VEPH1: variants seen among roughly 807,000 people sequenced by gnomAD.
The protein encoded by VEPH1 is ventricular zone-expressed PH domain-containing protein homolog 1.
In VEPH1, 80 loss-of-function variants were observed where a neutral mutation model predicts 85.2. The ratio of observed to expected loss-of-function variants is 0.94; its 90% CI spans 0.78 to 1.13. The LOEUF (loss-of-function observed/expected upper bound fraction) is 1.13. VEPH1 is among the 50% of genes most tolerant of loss of function. VEPH1 has a pLI of 0.00. For synonymous variants in VEPH1, 297 were observed against 348.0 expected (o/e 0.85, Z 1.63); for missense variants, 955 against 980.5 (o/e 0.97, Z 0.35).
intron 9 of VEPH1, among the ~76,000 whole-genome samples, chr3:157,356,150 C>T (rs907317593): frequency 3.3e-5 from 5 of 152,086 alleles, no homozygotes; most frequent in Admixed American, 3.3e-4. Context: ...TCACCCACCT[C>T]GGCTTTCCAG....
At chr3:157,413,819 A>T (rs1731699716) in intron 6 of VEPH1, 62 bp downstream of exon 6, 12 of 1,519,024 alleles carry the variant, frequency 7.9e-6, no homozygotes, top group African/African-American at 2.8e-5. Context: ...CCAACCTATT[A>T]AATAGGTTGG....
chr3:157,395,275 G>A (rs1344043211), intron 6 of VEPH1, among the ~76,000 whole-genome samples: 1 of 152,132 alleles, frequency 6.6e-6, no homozygotes, highest in Non-Finnish European at 1.5e-5. Context: ...AACAAATCCT[G>A]TCCCTTCCAT....
intron 12 of VEPH1, among the ~76,000 whole-genome samples, chr3:157,280,014 CAAA>C (rs369384376): frequency 1.0e-4 from 11 of 109,992 alleles, no homozygotes; most frequent in African/African-American, 2.3e-4. Context: ...GACTCTGTTT[CAAA>C]AAAAAAAAAA....
chr3:157,445,699 G>T (rs1413443725), intron 4 of VEPH1, among the ~76,000 whole-genome samples: 1 of 152,078 alleles, frequency 6.6e-6, no homozygotes, highest in Non-Finnish European at 1.5e-5. Flanking sequence ...TGAGGCAGGA[G>T]AATCTCTTGA....
At chr3:157,392,857 T>A (rs115833061) in intron 6 of VEPH1, among the ~76,000 whole-genome samples, 1 of 152,158 alleles carries the variant, frequency 6.6e-6, no homozygotes, top group African/African-American at 2.4e-5. Flanking sequence ...CTATCACTAA[T>A]TGTATCTCAC....
At chr3:157,381,481 G>T (rs1003463911) in intron 6 of VEPH1, 105 bp from the exon 7 acceptor site, 22 of 1,140,380 alleles carry the variant, frequency 1.9e-5, no homozygotes, top group Non-Finnish European at 2.7e-5. Flanking sequence ...GAGGTGGGTG[G>T]ATGGCTTGGA....
At chr3:157,301,686 C>T (rs1000694788) in intron 11 of VEPH1, among the ~76,000 whole-genome samples, 1 of 152,128 alleles carries the variant, frequency 6.6e-6, no homozygotes, top group Non-Finnish European at 1.5e-5. Context: ...CATACAATTC[C>T]TTTCTTTCTC....
intron 6 of VEPH1, among the ~76,000 whole-genome samples, chr3:157,413,128 CAATT>C (rs1237770042): frequency 1.3e-5 from 2 of 152,056 alleles, no homozygotes; most frequent in Non-Finnish European, 2.9e-5. Flanking sequence ...AGCTCTCAGT[CAATT>C]ATAGATTTGT....
At chr3:157,356,578 C>G (rs1182060206) in intron 9 of VEPH1, among the ~76,000 whole-genome samples, 1 of 152,148 alleles carries the variant, frequency 6.6e-6, no homozygotes, top group Non-Finnish European at 1.5e-5. Flanking sequence ...TCCTCCACCC[C>G]CACCTTTTCC....
intron 5 of VEPH1, among the ~76,000 whole-genome samples, chr3:157,422,862 T>G (rs548196454): frequency 6.6e-6 from 1 of 152,166 alleles, no homozygotes; most frequent in African/African-American, 2.4e-5. Context: ...TAACCTTCCC[T>G]TCCATATGCA....
chr3:157,315,978 CACCA>C (rs1208391053), intron 10 of VEPH1: 1 of 152,026 alleles, frequency 6.6e-6, no homozygotes, highest in Non-Finnish European at 1.5e-5. Context: ...ATTTGGTTCA[CACCA>C]AAATGTGAGT....
chr3:157,349,547 A>AGAAG (rs2108697537), intron 9 of VEPH1, among the ~76,000 whole-genome samples: 1 of 152,202 alleles, frequency 6.6e-6, no homozygotes, highest in East Asian at 1.9e-4. Flanking sequence ...GGTAAGAGAA[A>AGAAG]GAAAGAAAGA....
At chr3:157,385,230 A>AC (rs1357491833) in intron 6 of VEPH1, among the ~76,000 whole-genome samples, 2 of 151,820 alleles carry the variant, frequency 1.3e-5, no homozygotes, top group Admixed American at 6.6e-5. Flanking sequence ...AAAAAAAAAA[A>AC]AAAAAACTAA....
intron 6 of VEPH1, among the ~76,000 whole-genome samples, chr3:157,399,072 A>G (rs920143894): frequency 6.6e-6 from 1 of 152,244 alleles, no homozygotes; most frequent in African/African-American, 2.4e-5. Flanking sequence ...AACATTAGTT[A>G]TTATTACTTG....
intron 12 of VEPH1, among the ~76,000 whole-genome samples, chr3:157,269,305 A>G (rs537797433): frequency 1.3e-5 from 2 of 152,358 alleles, no homozygotes; most frequent in South Asian, 2.1e-4. Flanking sequence ...GAGACAGTCA[A>G]GACCAAATGA....
intron 2 of VEPH1, chr3:157,489,253 A>G: frequency 2.2e-6 from 1 of 454,082 alleles, no homozygotes; most frequent in Non-Finnish European, 4.4e-6. Context: ...TCCAGCCTCC[A>G]CTTCTCTCCT....
At chr3:157,352,431 C>T (rs1380650822) in intron 9 of VEPH1, among the ~76,000 whole-genome samples, 3 of 152,144 alleles carry the variant, frequency 2.0e-5, no homozygotes, top group African/African-American at 7.2e-5. Context: ...AGAATAGAAA[C>T]AGTCAGGACA....
At chr3:157,476,864 T>C (rs1287513511) in intron 2 of VEPH1, among the ~76,000 whole-genome samples, 1 of 152,124 alleles carries the variant, frequency 6.6e-6, no homozygotes, top group Admixed American at 6.5e-5. Context: ...TGATGGTAAA[T>C]GGACAATGGA....
chr3:157,269,638 T>C (rs1394476194), intron 12 of VEPH1, among the ~76,000 whole-genome samples: 1 of 109,436 alleles, frequency 9.1e-6, no homozygotes, highest in Non-Finnish European at 1.9e-5. Context: ...TTTTTGTTTT[T>C]GTTGTTTTTT....
Sources: allele counts gnomAD v4.1 joint callset (sites outside exome capture counted in the v4.1 genomes callset), GRCh38; gene constraint gnomAD v4.1.1; transcripts MANE v1.5; gene names NCBI Gene and HGNC (gene_info 2026-07-23, HGNC 2026-07-21).